NUP160: variants seen among roughly 807,000 people sequenced by gnomAD.
The protein encoded by NUP160 is nuclear pore complex protein Nup160.
NUP160 carries 94 observed loss-of-function variants against 196.9 expected under a neutral mutation model. That is an observed-to-expected ratio of 0.48 (90% CI 0.40 to 0.57). The LOEUF (loss-of-function observed/expected upper bound fraction) is 0.57, where lower values mean the gene tolerates loss of function less well. Ranked by LOEUF, NUP160 falls within the 20% of genes least tolerant of loss-of-function variation. The pLI, the probability that NUP160 is intolerant of heterozygous loss-of-function variation, is 0.00. For synonymous variants in NUP160, 605 were observed against 619.7 expected (o/e 0.98, Z 0.35); for missense variants, 1,638 against 1,748.3 (o/e 0.94, Z 1.13).
intron 21 of NUP160, among the ~76,000 whole-genome samples, 167 bp from the exon 22 acceptor site, chr11:47,803,703 C>T (rs1390935478): frequency 6.6e-6 from 1 of 152,174 alleles, no homozygotes; most frequent in East Asian, 1.9e-4. Flanking sequence ...CTTCCTTCTT[C>T]ATCCATTCCC....
At position 47,807,151 on chromosome 11, in the gene NUP160, A is replaced by C. The variant is rs2097678202; in HGVS notation, c.2376-11T>G. The C allele has an allele frequency of 1.3e-6, 2 of 1,578,220 alleles. No individual in the cohort carries two copies. Among genetic ancestry groups the C allele is most frequent in the African/African-American group, 2.7e-5 (2 of 74,136 alleles). ...TGGAGATTAGACTCCCTGTGAGAAA[A>C]GGGGAAAAGACAGCTTAGTAAATTC... On this transcript the variant is annotated splice_polypyrimidine_tract_variant and intron_variant, in intron 18 of 35. Coordinates refer to ENST00000378460, the Ensembl canonical transcript of NUP160.
chr11:47,780,288 T>G, intron 35 of NUP160, 55 bp downstream of exon 35: 1 of 1,177,220 alleles, frequency 8.5e-7, no homozygotes. Flanking sequence ...AGCTGTAAGG[T>G]GTAACTGCTA....
intron 30 of NUP160, 22 bp downstream of exon 30, chr11:47,788,461 GTGCTGACAAGTCAGAGGC>G: frequency 8.9e-6 from 14 of 1,571,872 alleles, no homozygotes; most frequent in Non-Finnish European, 1.1e-5. Flanking sequence ...TGTGCTCGTG[GTGCTGACAAGTCAGAGGC>G]TTTAAACTCT....
intron 7 of NUP160, among the ~76,000 whole-genome samples, chr11:47,829,542 A>G (rs976628236): frequency 6.6e-6 from 1 of 152,166 alleles, no homozygotes; most frequent in Non-Finnish European, 1.5e-5. Context: ...CCTGGCCTCA[A>G]GTGATCTACC....
intron 23 of NUP160, among the ~76,000 whole-genome samples, chr11:47,800,609 C>T (rs1484364396): frequency 6.6e-6 from 1 of 152,116 alleles, no homozygotes; most frequent in Admixed American, 6.6e-5. Flanking sequence ...TCAGGCTGGT[C>T]TCGAACTACT....
At chr11:47,809,965 AT>A (rs544536024) in intron 17 of NUP160, among the ~76,000 whole-genome samples, 83 of 152,162 alleles carry the variant, frequency 5.5e-4, no homozygotes, top group Non-Finnish European at 1.0e-3. Context: ...AAAATTATAA[AT>A]TTTTTAAATT....
chr11:47,787,727 CTT>C (rs928580156), intron 31 of NUP160, among the ~76,000 whole-genome samples: 1 of 143,952 alleles, frequency 6.9e-6, no homozygotes, highest in Non-Finnish European at 1.5e-5. Flanking sequence ...AATTCTTCTT[CTT>C]TTTTTTGAGA....
In NUP160 at chr11:47,786,620, A is replaced by G. The variant is rs2097664692; in HGVS notation, c.3747-66T>C. The stretch of plus-strand genomic sequence containing the variant: ...AAACGTACCACTTTAATTTGATACT[A>G]AAACTAGAGAGATAGATGACAACTT... On this transcript the variant is annotated intron_variant, in intron 31 of 35. Transcript: ENST00000378460. 6.3e-6 allele frequency: 6 copies of G among 949,016 alleles called. No homozygotes were observed. The Admixed American group carries it at 9.0e-5, about 14-fold the overall frequency. 58.8% of individuals were successfully genotyped at this position (949,016 alleles called of 1,614,324 possible).
At chr11:47,790,281 C>T (rs549229990) in intron 29 of NUP160, among the ~76,000 whole-genome samples, 47 of 151,586 alleles carry the variant, frequency 3.1e-4, no homozygotes, top group African/African-American at 9.0e-4. Flanking sequence ...TGTTTTGAGA[C>T]GGAGTCTTGC....
chr11:47,782,655 A>T (rs1013084290), intron 34 of NUP160, among the ~76,000 whole-genome samples: 5 of 151,284 alleles, frequency 3.3e-5, no homozygotes, highest in East Asian at 1.9e-4. Flanking sequence ...TTTATTTATT[A>T]TTTATTTATT....
At chr11:47,806,492 C>T (rs1265551490) in intron 19 of NUP160, 180 bp from the exon 20 acceptor site, 2 of 528,010 alleles carry the variant, frequency 3.8e-6, no homozygotes, top group African/African-American at 3.8e-5. Context: ...TTGTGAGGCA[C>T]TATAAAAATG....
Position 47,815,377 on chromosome 11 carries a change from A to G in NUP160, c.1686+102T>C, listed in dbSNP as rs11039410. ...TAACCGCAACATTCACCAGACTAAC[A>G]TTCGGCAAGAGCCACTGAACTTTTT... is the stretch of plus-strand genomic sequence containing the variant. On this transcript the variant is annotated intron_variant, in intron 13 of 35. Coordinates refer to ENST00000378460, the Ensembl canonical transcript of NUP160. 1.2e-3 allele frequency: 1,030 copies of G among 843,792 alleles called. 13 individuals are homozygous for G. In the African/African-American group the frequency reaches 0.017, roughly 14 times the overall value. 52.3% of individuals were successfully genotyped at this position (843,792 alleles called of 1,614,324 possible). A position where few individuals can be genotyped will look rare whatever the true frequency, so the allele number is the denominator to read the frequency against.
intron 27 of NUP160, among the ~76,000 whole-genome samples, chr11:47,795,034 A>T (rs908964149): frequency 6.6e-6 from 1 of 152,048 alleles, no homozygotes; most frequent in African/African-American, 2.4e-5. Flanking sequence ...CTGGAAGTGG[A>T]GGTTGCTGTG....
exon 18 of NUP160, chr11:47,808,449 G>A (rs143861166): frequency 3.1e-6 from 5 of 1,613,674 alleles, no homozygotes; most frequent in Non-Finnish European, 4.2e-6. Context: ...ATTTAATGAG[G>A]TAATAAGATA....
chr11:47,812,628 GAGA>G (rs1182506201), intron 15 of NUP160, among the ~76,000 whole-genome samples, 199 bp from the exon 16 acceptor site: 2 of 152,240 alleles, frequency 1.3e-5, no homozygotes, highest in Admixed American at 6.5e-5. Context: ...AAACAAACAT[GAGA>G]AGAACACTTT....
intron 7 of NUP160, among the ~76,000 whole-genome samples, chr11:47,828,704 T>C (rs1306617042): frequency 1.3e-5 from 2 of 151,802 alleles, no homozygotes; most frequent in Admixed American, 1.3e-4. Context: ...AAAGCAAGAG[T>C]AATCAAGACA....
At chr11:47,787,279 G>A (rs2097665107) in intron 31 of NUP160, among the ~76,000 whole-genome samples, 1 of 151,768 alleles carries the variant, frequency 6.6e-6, no homozygotes, top group South Asian at 2.1e-4. Context: ...GTAGAGATGG[G>A]GTTTCGTCAT....
chr11:47,825,115 A>G (rs1851942635), intron 7 of NUP160, among the ~76,000 whole-genome samples: 1 of 151,844 alleles, frequency 6.6e-6, no homozygotes, highest in South Asian at 2.1e-4. Context: ...GATTACAGGC[A>G]TGAGCCAACC....
chr11:47,787,626 G>C (rs2097665392), intron 31 of NUP160, among the ~76,000 whole-genome samples: 1 of 151,866 alleles, frequency 6.6e-6, no homozygotes, highest in African/African-American at 2.4e-5. Flanking sequence ...GTTTCACCAT[G>C]TTGGCCAGGC....
Sources: allele counts gnomAD v4.1 joint callset (sites outside exome capture counted in the v4.1 genomes callset), GRCh38; gene constraint gnomAD v4.1.1; transcripts MANE v1.5; gene names NCBI Gene and HGNC (gene_info 2026-07-23, HGNC 2026-07-21).